ZNF334: variants seen among roughly 807,000 people sequenced by gnomAD.
The protein encoded by ZNF334 is zinc finger protein 334.
ZNF334 carries 14 observed loss-of-function variants against 12.4 expected under a neutral mutation model. The ratio of observed to expected loss-of-function variants is 1.13; its 90% confidence interval spans 0.74 to 1.76. The LOEUF is 1.76. ZNF334 is among the 40% of genes most tolerant of loss of function. The pLI is 0.00. For synonymous variants in ZNF334, 273 were observed against 269.6 expected (o/e 1.01, Z -0.12); for missense variants, 797 against 804.5 (o/e 0.99, Z 0.11).
the ZNF334 span, among the ~76,000 whole-genome samples, chr20:46,476,477 T>C: frequency 1.3e-5 from 2 of 152,352 alleles, no homozygotes; most frequent in South Asian, 4.1e-4. Context: ...GATATTGTAC[T>C]ATCATTTTGC....
Position 46,502,827 on chromosome 20 carries a change from T to C in ZNF334, c.512A>G (p.His171Arg), listed in dbSNP as rs779746546. Residue 171 changes from histidine to arginine, a missense_variant, in exon 5 of 5, where the codon CAT (histidine) becomes CGT (arginine). Transcript: ENST00000692313. ...TTTCATTCCCAAATGACTTTTCTCA[T>C]GCTTCCCAAATCCACTGTATCCATC... ...IPDGYSGFGK[H>R]EKSHLGMKKY... 1.2e-6 allele frequency: 2 copies of C among 1,614,014 alleles called. No homozygotes were observed. Among genetic ancestry groups the C allele is most frequent in the Admixed American group, 3.3e-5 (2 of 60,030 alleles).
chr20:46,509,007 T>G (rs1406721654), intron 2 of ZNF334, among the ~76,000 whole-genome samples: 3 of 152,194 alleles, frequency 2.0e-5, no homozygotes, highest in Non-Finnish European at 4.4e-5. Context: ...GGCAATGCTA[T>G]GTACAGTATT....
chr20:46,507,331 A>C (rs976744241), intron 2 of ZNF334, among the ~76,000 whole-genome samples: 5 of 152,158 alleles, frequency 3.3e-5, no homozygotes, highest in African/African-American at 1.2e-4. Flanking sequence ...CAAGGTTGTA[A>C]GTGACAAAGA....
chr20:46,464,180 A>C, the ZNF334 span: 1 of 525,178 alleles, frequency 1.9e-6, no homozygotes, highest in Non-Finnish European at 3.8e-6. Context: ...CACATCCCCC[A>C]AGATGGGCAG....
At chr20:46,465,452 C>G in the ZNF334 span, among the ~76,000 whole-genome samples, 1 of 152,302 alleles carries the variant, frequency 6.6e-6, no homozygotes, top group Middle Eastern at 3.4e-3. Flanking sequence ...AATCCCAGTG[C>G]TTTGGGAAGC....
At chr20:46,471,010 A>G in the ZNF334 span, among the ~76,000 whole-genome samples, 218 of 152,328 alleles carry the variant, frequency 1.4e-3, no homozygotes, top group African/African-American at 5.2e-3. Context: ...AGATATCTTC[A>G]ATTTTAGTAG....
chr20:46,511,230 A>T (rs77436411), intron 2 of ZNF334, among the ~76,000 whole-genome samples: 13 of 82,328 alleles, frequency 1.6e-4, no homozygotes, highest in Admixed American at 3.2e-4. Context: ...CATCTCAATT[A>T]AAAAAAAAAA....
chr20:46,503,208 T>G, intron 4 of ZNF334, 111 bp from the exon 5 acceptor site: 1 of 1,246,294 alleles, frequency 8.0e-7, no homozygotes, highest in Non-Finnish European at 1.1e-6. Context: ...AGGCCAAGCC[T>G]TCCAAGATTA....
At chr20:46,511,035 A>T (rs1882167812) in intron 2 of ZNF334, among the ~76,000 whole-genome samples, 1 of 152,098 alleles carries the variant, frequency 6.6e-6, no homozygotes, top group Non-Finnish European at 1.5e-5. Context: ...CAGAAAGAAT[A>T]ATGGGCTAAC....
rs771364194 is a variant in ZNF334 at position 46,502,452 on chromosome 20, C to G, written c.887G>C (p.Ser296Thr). 3 of 1,614,074 alleles carry G rather than the reference C, an allele frequency of 1.9e-6. No homozygotes were observed. The Admixed American group carries it at 5.0e-5, about 27-fold the overall frequency. ...GTCAATGAAGGTTTTCCTGCATTCA[C>G]TGCATTCATAGGGTCTCTCTCCAGT... Reference protein sequence around the residue: ...IHTGERPYECSECRKTFIDKS... With the variant: ...IHTGERPYECTECRKTFIDKS... The change falls in exon 5 of 5, where the codon AGT (serine) becomes ACT (threonine). Residue 296 changes from serine (S) to threonine (T), a missense_variant. Physicochemically the swap from Ser to Thr is moderately conservative, Grantham distance 58 (BLOSUM62 1). Coordinates refer to ENST00000692313, the MANE Select transcript of ZNF334 (RefSeq NM_001353824.2).
At chr20:46,475,503 C>T in the ZNF334 span, among the ~76,000 whole-genome samples, 17 of 151,934 alleles carry the variant, frequency 1.1e-4, no homozygotes, top group Admixed American at 3.3e-4. Context: ...AGTGGGAGAA[C>T]GTATTTACAA....
rs758160437 is a variant in ZNF334 at position 46,501,395 on chromosome 20, T to A, written c.1944A>T (p.Lys648Asn). 2 of 1,614,182 alleles carry A rather than the reference T, an allele frequency of 1.2e-6. No homozygotes were observed. Among genetic ancestry groups the A allele is most frequent in the South Asian group, 1.1e-5 (1 of 91,082 alleles). Reference sequence around the variant, plus strand: ...CATAAGGTTTCTCTCCTGTGTGTATTTTCTGATGTTCAGTGAGAGTCCACA... The same window carrying A: ...CATAAGGTTTCTCTCCTGTGTGTATATTCTGATGTTCAGTGAGAGTCCACA... The part of the protein sequence containing the change: ...RRLWTLTEHQ[K>N]IHTGEKPYEC... Residue 648 changes from lysine to asparagine, a missense_variant, in exon 5 of 5, where the codon AAA (lysine) becomes AAT (asparagine). Physicochemically the swap from Lys to Asn is moderately conservative, Grantham distance 94. Coordinates refer to ENST00000692313, the MANE Select transcript of ZNF334 (RefSeq NM_001353824.2).
chr20:46,498,695 T>C (rs2061065053), downstream of ZNF334, among the ~76,000 whole-genome samples: 1 of 152,208 alleles, frequency 6.6e-6, no homozygotes, highest in Admixed American at 6.5e-5. Context: ...GGTTGAATTG[T>C]CTCCCCAAAA....
At chr20:46,465,151 C>A in the ZNF334 span, 1 of 216,328 alleles carries the variant, frequency 4.6e-6, no homozygotes, top group South Asian at 7.2e-5. Flanking sequence ...CAGCTACTGC[C>A]ACTCCTTCTT....
At chr20:46,467,032 T>C in the ZNF334 span, among the ~76,000 whole-genome samples, 1 of 152,150 alleles carries the variant, frequency 6.6e-6, no homozygotes, top group South Asian at 2.1e-4. Flanking sequence ...GTCCAAAATA[T>C]GTGTGTAGGT....
the ZNF334 span, among the ~76,000 whole-genome samples, chr20:46,466,549 T>C: frequency 2.0e-5 from 3 of 152,228 alleles, no homozygotes; most frequent in Non-Finnish European, 4.4e-5. Flanking sequence ...AGTTGCTCCA[T>C]CTAAGCTCAT....
At chr20:46,488,167 T>C in the ZNF334 span, among the ~76,000 whole-genome samples, 2 of 152,096 alleles carry the variant, frequency 1.3e-5, no homozygotes, top group Non-Finnish European at 2.9e-5. Context: ...CAAATAGATT[T>C]CTATTTGTCA....
chr20:46,504,501 A>C, intron 3 of ZNF334, 113 bp downstream of exon 3: 3 of 1,373,946 alleles, frequency 2.2e-6, no homozygotes, highest in Non-Finnish European at 3.0e-6. Context: ...AAAAGGGTTT[A>C]ATCTTCTTGC....
intron 2 of ZNF334, among the ~76,000 whole-genome samples, chr20:46,511,040 G>A (rs2061631575): frequency 6.6e-6 from 1 of 151,880 alleles, no homozygotes; most frequent in African/African-American, 2.4e-5. Context: ...AGAATAATGG[G>A]CTAACAATGG....
Sources: allele counts gnomAD v4.1 joint callset (sites outside exome capture counted in the v4.1 genomes callset), GRCh38; gene constraint gnomAD v4.1.1; transcripts MANE v1.5; gene names NCBI Gene and HGNC (gene_info 2026-07-23, HGNC 2026-07-21).